The following PRSS23 variants were observed in gnomAD, a reference collection of about 807,000 sequenced individuals.
The protein encoded by PRSS23 is protease, serine 23.
In PRSS23, 25 loss-of-function variants were observed where a neutral mutation model predicts 34.7. That is an observed-to-expected ratio of 0.72 (90% CI 0.53 to 1.01). The LOEUF is 1.01. Ranked by LOEUF, PRSS23 falls within the 50% of genes least tolerant of loss-of-function variation. The probability of loss-of-function intolerance (pLI) is 0.00; values close to 1 mark genes in which losing one functional copy is unlikely to be tolerated. For synonymous variants in PRSS23, 176 were observed against 186.6 expected (o/e 0.94, Z 0.46); for missense variants, 445 against 475.6 (o/e 0.94, Z 0.60).
In PRSS23 at chr11:86,810,408, C is replaced by T. The variant is rs551435559; in HGVS notation, c.*1613C>T. The T allele has an allele frequency of 2.4e-5, 4 of 167,182 alleles. No homozygotes were observed. Among genetic ancestry groups the T allele is most frequent in the African/African-American group, 7.2e-5 (3 of 41,580 alleles). The allele number at this position is 167,182 out of a possible 1,614,324, so 10.4% of individuals were successfully genotyped here. ...TAATTCTGATAAGGCACTCAAGAAA[C>T]GTACAACCACAGTGCTTTCTTCAAA... On this transcript the variant is annotated 3_prime_UTR_variant, in exon 2 of 2. Coordinates refer to ENST00000280258, the MANE Select transcript of PRSS23 (RefSeq NM_007173.6).
At chr11:86,885,971 TTAATGA>T (rs1948799589) in intron 2 of PRSS23, among the ~76,000 whole-genome samples, 1 of 150,680 alleles carries the variant, frequency 6.6e-6, no homozygotes, top group Admixed American at 6.6e-5. Context: ...TATCTGGTAG[TTAATGA>T]TGATGATGAT....
At chr11:86,821,513 T>G (rs1349971198) in intron 1 of PRSS23, 1 of 1,610,972 alleles carries the variant, frequency 6.2e-7, no homozygotes. Context: ...AAAAATCCAT[T>G]GTTCAGTTGC....
At chr11:86,846,270 C>T (rs868049102) in intron 2 of PRSS23, among the ~76,000 whole-genome samples, 2 of 152,244 alleles carry the variant, frequency 1.3e-5, no homozygotes, top group Non-Finnish European at 1.5e-5. Context: ...CCAGGAAAGG[C>T]ATCTAGATCA....
rs1214761822 is a variant in PRSS23, at chr11:86,809,699, C to T, written c.*904C>T. On this transcript the variant is annotated 3_prime_UTR_variant, in exon 2 of 2. Transcript: ENST00000280258. ...CTAAAAACAATCATAGCATTTTACC[C>T]CTGGATTATAGCACATCTCATGTTT... 3 of 166,956 alleles carry T rather than the reference C, an allele frequency of 1.8e-5. No individual in the cohort carries two copies. Among genetic ancestry groups the T allele is most frequent in the African/African-American group, 7.2e-5 (3 of 41,432 alleles). 10.3% of individuals were successfully genotyped at this position (166,956 alleles called of 1,614,324 possible).
intron 2 of PRSS23, among the ~76,000 whole-genome samples, chr11:86,831,558 C>A (rs1039142850): frequency 6.6e-6 from 1 of 151,452 alleles, no homozygotes; most frequent in African/African-American, 2.4e-5. Flanking sequence ...TTAATATCAC[C>A]GGGGCTCTAC....
chr11:86,950,767 T>C (rs1432813996), intron 2 of PRSS23: 9 of 297,626 alleles, frequency 3.0e-5, no homozygotes, highest in African/African-American at 1.9e-4. Flanking sequence ...TTAATATTTC[T>C]CCCTGCTAGT....
At chr11:86,906,278 C>T (rs534789709) in intron 2 of PRSS23, among the ~76,000 whole-genome samples, 2 of 152,370 alleles carry the variant, frequency 1.3e-5, no homozygotes, top group South Asian at 4.1e-4. Context: ...GGAAACCAAA[C>T]CTCGCAGCTA....
chr11:86,833,595 G>T, intron 2 of PRSS23: 1 of 207,222 alleles, frequency 4.8e-6, no homozygotes, highest in South Asian at 8.6e-5. Flanking sequence ...TTTATATCCA[G>T]ATCATTTTCC....
At chr11:86,796,672 A>G (rs1256540797), upstream of PRSS23, among the ~76,000 whole-genome samples, 1 of 151,812 alleles carries the variant, frequency 6.6e-6, no homozygotes, top group African/African-American at 2.4e-5. Context: ...AAGATTACAC[A>G]TAATAAAATA....
chr11:86,823,814 G>A (rs865853379), intron 2 of PRSS23, among the ~76,000 whole-genome samples: 1 of 151,820 alleles, frequency 6.6e-6, no homozygotes, highest in Non-Finnish European at 1.5e-5. Context: ...AGACCATCCT[G>A]GCTAACACGG....
In PRSS23 at chr11:86,913,663, ACT is replaced by A. The variant is rs529947111; in HGVS notation, c.207-37550_207-37549del. On this transcript the variant is annotated intron_variant, in intron 2 of 2. Coordinates refer to the PRSS23 transcript ENST00000533902. The stretch of plus-strand genomic sequence containing the variant: ...GAAAGTTTGTATTTGCAAGCTCCAG[ACT>A]CTTAAATTCCAACTCTGCAGTAAAA... Among the ~76,000 whole-genome samples the A allele has an allele frequency of 7.0e-4, 106 of 151,594 alleles. 1 individual carries two copies. In the South Asian group the frequency reaches 0.017, roughly 25 times the overall value.
chr11:86,946,028 C>T (rs1189567625), intron 2 of PRSS23: 8 of 152,560 alleles, frequency 5.2e-5, no homozygotes, highest in Middle Eastern at 6.8e-3. Context: ...AGATTACATC[C>T]GATATTTCAT....
At position 86,832,075 on chromosome 11, in the gene PRSS23, A is replaced by C. The variant is rs1341684368; in HGVS notation, c.206+8482A>C. On this transcript the variant is annotated intron_variant, in intron 2 of 2. Coordinates refer to the PRSS23 transcript ENST00000533902. ...CCTAATGTCACAGGGGATGTATGCC[A>C]TGTATGTACACCCCCTGTGATATTC... 3.9e-5 allele frequency among the ~76,000 whole-genome samples: 6 copies of C among 151,972 alleles called. No homozygotes were observed. The South Asian group carries it at 8.3e-4, about 21-fold the overall frequency.
intron 2 of PRSS23, among the ~76,000 whole-genome samples, chr11:86,926,264 G>A (rs1174422448): frequency 1.3e-5 from 2 of 152,188 alleles, no homozygotes; most frequent in Non-Finnish European, 2.9e-5. Flanking sequence ...TTGGGAGGCT[G>A]AGGCAGAAGA....
intron 2 of PRSS23, among the ~76,000 whole-genome samples, chr11:86,858,766 G>A (rs1341076210): frequency 1.3e-5 from 2 of 151,724 alleles, no homozygotes; most frequent in Non-Finnish European, 2.9e-5. Flanking sequence ...AAAATAGGAT[G>A]ATATGACTCC....
intron 2 of PRSS23, among the ~76,000 whole-genome samples, chr11:86,897,395 C>G (rs1948883733): frequency 6.6e-6 from 1 of 151,930 alleles, no homozygotes; most frequent in East Asian, 2.0e-4. Flanking sequence ...AGTGAGCCAC[C>G]ATGCCTGGCC....
At chr11:86,823,414 ACCCTGG>A (rs1177741769) in exon 2 of PRSS23, 10 of 702,236 alleles carry the variant, frequency 1.4e-5, no homozygotes, top group Non-Finnish European at 2.3e-5. Flanking sequence ...CTGTGTGCCA[ACCCTGG>A]CCTAGTCCTC....
At chr11:86,846,251 C>A (rs1047712688) in intron 2 of PRSS23, among the ~76,000 whole-genome samples, 3 of 152,100 alleles carry the variant, frequency 2.0e-5, no homozygotes, top group Admixed American at 6.5e-5. Context: ...GTGAGCCAGG[C>A]AGGATACTCC....
At chr11:86,852,826 A>G (rs1005924057) in intron 2 of PRSS23, among the ~76,000 whole-genome samples, 10 of 152,252 alleles carry the variant, frequency 6.6e-5, no homozygotes, top group Non-Finnish European at 1.5e-4. Flanking sequence ...GACACTTGAT[A>G]TAAGTGGAAT....
Sources: gnomAD v4.1 joint callset for allele counts (sites outside exome capture counted in the v4.1 genomes callset) on GRCh38, gnomAD v4.1.1 for gene constraint, MANE v1.5 for transcripts, NCBI Gene and HGNC (gene_info 2026-07-23, HGNC 2026-07-21) for gene names.